USP47: variants seen among roughly 807,000 people sequenced by gnomAD.
USP47 encodes ubiquitin specific peptidase 47, also known as ubiquitin carboxyl-terminal hydrolase 47.
A neutral mutation model predicts 165.1 loss-of-function variants in USP47; 35 were observed. That is an observed-to-expected ratio of 0.21 (90% CI 0.16 to 0.28). USP47 has a LOEUF of 0.28. Ranked by LOEUF, USP47 falls within the 10% of genes least tolerant of loss-of-function variation. The probability of loss-of-function intolerance (pLI) is 1.00; values close to 1 mark genes in which losing one functional copy is unlikely to be tolerated. For synonymous variants in USP47, 531 were observed against 544.5 expected (o/e 0.98, Z 0.35); for missense variants, 1,277 against 1,607.4 (o/e 0.79, Z 3.52).
intron 16 of USP47, among the ~76,000 whole-genome samples, chr11:11,935,979 G>T (rs1283445174): frequency 6.6e-6 from 1 of 151,802 alleles, no homozygotes; most frequent in African/African-American, 2.4e-5. Flanking sequence ...TTCCAGATTA[G>T]TTGATTATGA....
Position 11,955,008 on chromosome 11 carries a change from T to G in USP47, c.3763-26T>G, listed in dbSNP as rs755432181. ...GATAAACACAGCTAGTGGCATGATTTATTCATTCATTCTTTTTCTTTTTAG... is the reference window on the plus strand; with the variant it reads ...GATAAACACAGCTAGTGGCATGATTGATTCATTCATTCTTTTTCTTTTTAG... On this transcript the variant is annotated intron_variant, in intron 26 of 27. Transcript: ENST00000527733. 7.4e-6 allele frequency: 12 copies of G among 1,613,378 alleles called. No individual in the cohort carries two copies. In the South Asian group the frequency reaches 1.3e-4, roughly 18 times the overall value.
Position 11,957,970 on chromosome 11 carries a change from T to G in USP47, c.*1795T>G, listed in dbSNP as rs1172975554. On this transcript the variant is annotated 3_prime_UTR_variant, in exon 28 of 28. Transcript: ENST00000527733. ...TGCATTAGTGGGATTGGTGATGTTC[T>G]CAGAAGAAAATTGGAAACACTTGTG... 2 of 152,248 alleles carry G rather than the reference T, an allele frequency of 1.3e-5. No homozygotes were observed. Among genetic ancestry groups the G allele is most frequent in the Non-Finnish European group, 2.9e-5 (2 of 68,044 alleles). The allele number at this position is 152,248 out of a possible 1,614,324, so 9.4% of individuals were successfully genotyped here.
At chr11:11,880,126 T>G (rs1850734679) in intron 1 of USP47, 51 bp from the exon 2 acceptor site, 4 of 1,244,518 alleles carry the variant, frequency 3.2e-6, no homozygotes, top group Non-Finnish European at 4.3e-6. Context: ...ATTATACTTT[T>G]GTTTTGCTTT....
chr11:11,860,194 G>A (rs190925983), intron 1 of USP47, among the ~76,000 whole-genome samples: 3 of 151,618 alleles, frequency 2.0e-5, no homozygotes, highest in African/African-American at 7.3e-5. Flanking sequence ...TTGTTGCCCA[G>A]GCTGGAGTGC....
At chr11:11,847,986 A>G (rs944740069) in intron 1 of USP47, among the ~76,000 whole-genome samples, 11 of 152,226 alleles carry the variant, frequency 7.2e-5, no homozygotes, top group African/African-American at 1.2e-4. Flanking sequence ...CATTTTACAC[A>G]TGAAGAAACT....
At chr11:11,955,211 G>T in intron 27 of USP47, 47 bp downstream of exon 27, 3 of 1,591,066 alleles carry the variant, frequency 1.9e-6, no homozygotes, top group African/African-American at 1.4e-5. Flanking sequence ...CATTTTTGGC[G>T]TGCATACATA....
chr11:11,868,043 ATAG>A (rs1849794471), intron 1 of USP47, among the ~76,000 whole-genome samples: 1 of 152,226 alleles, frequency 6.6e-6, no homozygotes, highest in Non-Finnish European at 1.5e-5. Context: ...AGGTTGAAAA[ATAG>A]TAGAATAGAC....
chr11:11,874,496 C>G (rs1010244922), intron 1 of USP47, among the ~76,000 whole-genome samples: 5 of 151,522 alleles, frequency 3.3e-5, no homozygotes, highest in African/African-American at 4.9e-5. Context: ...AAGTTAGGAC[C>G]TTCATTAATA....
At chr11:11,868,516 C>G (rs919483234) in intron 1 of USP47, among the ~76,000 whole-genome samples, 1 of 152,034 alleles carries the variant, frequency 6.6e-6, no homozygotes, top group Non-Finnish European at 1.5e-5. Flanking sequence ...TATGGATGTA[C>G]TATAATTTGT....
chr11:11,912,299 C>T (rs1320278244), intron 8 of USP47, among the ~76,000 whole-genome samples: 1 of 151,542 alleles, frequency 6.6e-6, no homozygotes, highest in East Asian at 1.9e-4. Context: ...TTTGAAAAGA[C>T]AATAAAATTG....
Position 11,905,448 on chromosome 11 carries a change from G to A in USP47, c.869G>A (p.Arg290Lys). The A allele has an allele frequency of 6.2e-7, 1 of 1,608,064 alleles. No individual in the cohort carries two copies. Among genetic ancestry groups the A allele is most frequent in the Non-Finnish European group, 8.5e-7 (1 of 1,175,906 alleles). The change falls in exon 8 of 28, where the codon AGA becomes AAA. Residue 290 changes from arginine to lysine, a missense_variant. This residue lies in a region of USP47 where 175 missense variants were observed against 295.8 expected (regional missense o/e 0.59). Coordinates refer to ENST00000527733, the MANE Select transcript of USP47 (RefSeq NM_001282659.2). ...CAAGGCAAGCTGAAGGACTACGTGAGATGTCTGGAATGTGGTTATGAGGGC... is the reference window on the plus strand; with the variant it reads ...CAAGGCAAGCTGAAGGACTACGTGAAATGTCTGGAATGTGGTTATGAGGGC... ...LYQGKLKDYV[R>K]CLECGYEGWR... is the part of the protein sequence containing the mutation.
At chr11:11,938,704 T>C (rs146217287) in intron 18 of USP47, among the ~76,000 whole-genome samples, 2 of 152,132 alleles carry the variant, frequency 1.3e-5, no homozygotes, top group African/African-American at 4.8e-5. Context: ...AGTCGAGTTT[T>C]TGTTTTCGTC....
Position 11,960,252 on chromosome 11 carries a change from C to CG in USP47, c.*4083dup, listed in dbSNP as rs1739070986. On this transcript the variant is annotated 3_prime_UTR_variant, in exon 28 of 28. Transcript: ENST00000527733. ...TGGTGGTGGAAGAGGCCAGGAAGAGCGGGGGGAAGACATGTGCTAACCACT... is the reference window on the plus strand; with the variant it reads ...TGGTGGTGGAAGAGGCCAGGAAGAGCGGGGGGGAAGACATGTGCTAACCACT... Among the ~76,000 whole-genome samples the CG allele has an allele frequency of 6.6e-6, 1 of 152,136 alleles. No individual in the cohort carries two copies. The highest frequency in any genetic ancestry group is 1.5e-5 in the Non-Finnish European group (1 of 68,028).
Position 11,942,782 on chromosome 11 carries a change from G to C in USP47, c.2761G>C (p.Glu921Gln), listed in dbSNP as rs1471646908. The change falls in exon 20 of 28, where the codon GAA (glutamate) becomes CAA (glutamine). Residue 921 changes from glutamate (E) to glutamine (Q), a missense_variant. Transcript: ENST00000527733. Reference sequence around the variant, plus strand: ...TTCTGATCCAGAAAATTTTCAGTCTGAAGAACGATCAGACTCAGATGTGAA... The same window carrying C: ...TTCTGATCCAGAAAATTTTCAGTCTCAAGAACGATCAGACTCAGATGTGAA... ...QTSDPENFQS[E>Q]ERSDSDVNND... The C allele has an allele frequency of 1.2e-6, 2 of 1,613,508 alleles. No homozygotes were observed. Among genetic ancestry groups the C allele is most frequent in the Non-Finnish European group, 1.7e-6 (2 of 1,179,762 alleles).
chr11:11,842,684 A>C (rs1180695638), intron 1 of USP47, among the ~76,000 whole-genome samples: 1 of 152,156 alleles, frequency 6.6e-6, no homozygotes, highest in Non-Finnish European at 1.5e-5. Context: ...GTGGGAGGGC[A>C]GACTTAACTG....
chr11:11,842,079 A>C lies in USP47; in HGVS notation c.-107A>C, dbSNP rs1229063188. The C allele has an allele frequency of 7.3e-7, 1 of 1,372,446 alleles. No homozygotes were observed. Among genetic ancestry groups the C allele is most frequent in the Non-Finnish European group, 1.0e-6 (1 of 1,003,576 alleles). 85.0% of individuals were successfully genotyped at this position (1,372,446 alleles called of 1,614,324 possible). On this transcript the variant is annotated 5_prime_UTR_variant, in exon 1 of 28. Coordinates refer to ENST00000527733, the MANE Select transcript of USP47 (RefSeq NM_001282659.2). ...GAGGCCTCCGCTATTGCTGGAGCGC[A>C]GGCGGCGGAGAGGATGACTGCCGCT...
intron 1 of USP47, 103 bp from the exon 2 acceptor site, chr11:11,880,074 T>C (rs1182329744): frequency 3.0e-5 from 24 of 790,248 alleles, no homozygotes; most frequent in Non-Finnish European, 4.3e-5. Context: ...TACTTAGTAT[T>C]TCCTGAGGTC....
intron 1 of USP47, among the ~76,000 whole-genome samples, chr11:11,853,226 A>G (rs1302000832): frequency 6.6e-6 from 1 of 152,144 alleles, no homozygotes; most frequent in Non-Finnish European, 1.5e-5. Flanking sequence ...CATTAAATAT[A>G]TATATTTAAA....
intron 11 of USP47, among the ~76,000 whole-genome samples, chr11:11,927,498 C>T (rs893751896): frequency 2.6e-5 from 4 of 152,044 alleles, no homozygotes; most frequent in Admixed American, 2.6e-4. Flanking sequence ...ACCGTATGGC[C>T]CAGAAAGCCT....
Sources: gnomAD v4.1 joint callset for allele counts (sites outside exome capture counted in the v4.1 genomes callset) on GRCh38, gnomAD v4.1.1 for gene constraint, gnomAD v4.1.1 regional missense constraint, MANE v1.5 for transcripts, NCBI Gene and HGNC (gene_info 2026-07-23, HGNC 2026-07-21) for gene names.